Variants in CDHR1 observed in about 807,000 individuals in gnomAD.
The protein encoded by CDHR1 is cadherin related family member 1.
In CDHR1, 61 loss-of-function variants were observed where a neutral mutation model predicts 72.1. That is an observed-to-expected ratio of 0.85 (90% CI 0.69 to 1.05). The LOEUF (loss-of-function observed/expected upper bound fraction) is 1.05, where lower values mean the gene tolerates loss of function less well. Ranked by LOEUF, CDHR1 falls within the 50% of genes least tolerant of loss-of-function variation. The pLI is 0.00. For missense variants in CDHR1, 1,186 were observed against 1,115.7 expected (o/e 1.06, Z -0.90); for synonymous variants, 470 against 448.1 (o/e 1.05, Z -0.62).
chr10:84,208,596 A>G (rs1842272774), intron 11 of CDHR1, 133 bp from the exon 12 acceptor site: 5 of 1,086,138 alleles, frequency 4.6e-6, no homozygotes, highest in Non-Finnish European at 6.9e-6. Context: ...TCCATTCACA[A>G]GGAAAAGTCA....
rs1842460962 is a variant in CDHR1, at chr10:84,218,448, G to A, written c.*3827G>A. ...CAGCCATTCCTAGGGTGACAAGTTT[G>A]GAGTATATCTTCTGTGCCAGGCTCT... is the stretch of plus-strand genomic sequence containing the variant. On this transcript the variant is annotated 3_prime_UTR_variant, in exon 17 of 17. Coordinates refer to ENST00000623527, the MANE Select transcript of CDHR1 (RefSeq NM_033100.4). The A allele has an allele frequency of 4.1e-6, 4 of 985,302 alleles. No individual in the cohort carries two copies. The South Asian group carries it at 1.9e-4, about 46-fold the overall frequency. 61.0% of individuals were successfully genotyped at this position (985,302 alleles called of 1,614,324 possible). A position where few individuals can be genotyped will look rare whatever the true frequency, so the allele number is the denominator to read the frequency against.
chr10:84,210,993 C>T lies in CDHR1; in HGVS notation c.1321-8C>T. 2 of 1,614,224 alleles carry T rather than the reference C, an allele frequency of 1.2e-6. No homozygotes were observed. Among genetic ancestry groups the T allele is most frequent in the Admixed American group, 1.7e-5 (1 of 60,026 alleles). ...CCCAGACAAGTCCCCATTTTCCCCC[C>T]TTCCCAGCTCCTGGCTGTTGAAGTG... On this transcript the variant is annotated splice_polypyrimidine_tract_variant and splice_region_variant and intron_variant, in intron 12 of 16. Transcript: ENST00000623527.
At chr10:84,200,132 T>C (rs1480551172) in intron 5 of CDHR1, among the ~76,000 whole-genome samples, 1 of 150,728 alleles carries the variant, frequency 6.6e-6, no homozygotes, top group Non-Finnish European at 1.5e-5. Flanking sequence ...ATCACGCCAT[T>C]GCACTCCAAC....
Position 84,196,625 on chromosome 10 carries a change from C to A in CDHR1, c.272C>A (p.Thr91Asn). 6.2e-7 allele frequency: 1 copy of A among 1,614,220 alleles called. No individual in the cohort carries two copies. Among genetic ancestry groups the A allele is most frequent in the South Asian group, 1.1e-5 (1 of 91,076 alleles). Residue 91 changes from threonine (T) to asparagine (N), a missense_variant, in exon 3 of 17, where the codon ACC becomes AAC. Transcript: ENST00000623527. ...FSVDPTFGNI[T>N]LVEELDRERE... is the part of the protein sequence containing the mutation. ...GTTGACCCCACTTTTGGAAACATCA[C>A]CCTGGTTGAAGAGCTGGACAGAGAG...
Position 84,214,491 on chromosome 10 carries a change from C to T in CDHR1, c.2450C>T (p.Ser817Phe), listed in dbSNP as rs1310793287. 3 of 1,607,336 alleles carry T rather than the reference C, an allele frequency of 1.9e-6. No individual in the cohort carries two copies. The highest frequency in any genetic ancestry group is 3.3e-5 in the Admixed American group (2 of 59,958). Residue 817 changes from serine (S) to phenylalanine (F), a missense_variant, in exon 17 of 17, where the codon TCT becomes TTT. By Grantham distance (155) the Ser-to-Phe change is radical. Transcript: ENST00000623527. The part of the protein sequence containing the change: ...AQWTVPTVSG[S>F]LTPQPTQPPP... ...TGGACCGTGCCTACTGTCTCTGGCT[C>T]TCTCACTCCGCAGCCGACCCAACCC... is the stretch of plus-strand genomic sequence containing the variant.
chr10:84,215,604 C>G lies in CDHR1; in HGVS notation c.*983C>G. 1.1e-6 allele frequency: 1 copy of G among 903,034 alleles called. No homozygotes were observed. Among genetic ancestry groups the G allele is most frequent in the Non-Finnish European group, 1.3e-6 (1 of 754,870 alleles). The allele number at this position is 903,034 out of a possible 1,614,324, so 55.9% of individuals were successfully genotyped here. On this transcript the variant is annotated 3_prime_UTR_variant, in exon 17 of 17. Coordinates refer to ENST00000623527, the MANE Select transcript of CDHR1 (RefSeq NM_033100.4). ...TGTAAATGAAGAAAGTAGGCCCTGT[C>G]TACCTCACATGCAGGTCTAGGGTGA...
chr10:84,210,512 C>T lies in CDHR1; in HGVS notation c.1321-489C>T, dbSNP rs186437329. Among the ~76,000 whole-genome samples the T allele has an allele frequency of 4.0e-3, 616 of 152,220 alleles. 3 individuals carry two copies. Among genetic ancestry groups the T allele is most frequent in the African/African-American group, 0.014 (596 of 41,552 alleles). ...GAACTCCCGACCTCAGGTGATCCAC[C>T]CGCCTTGGCCTCCCAAAGTGTTAGG... On this transcript the variant is annotated intron_variant, in intron 12 of 16. Coordinates refer to ENST00000623527, the MANE Select transcript of CDHR1 (RefSeq NM_033100.4).
Position 84,194,642 on chromosome 10 carries a change from C to T in CDHR1, c.-119C>T. 2 of 733,326 alleles carry T rather than the reference C, an allele frequency of 2.7e-6. No homozygotes were observed. The highest frequency in any genetic ancestry group is 3.5e-5 in the East Asian group (1 of 28,570). The allele number at this position is 733,326 out of a possible 1,614,324, so 45.4% of individuals were successfully genotyped here. On this transcript the variant is annotated 5_prime_UTR_variant, in exon 1 of 17. Coordinates refer to ENST00000623527, the MANE Select transcript of CDHR1 (RefSeq NM_033100.4). ...TCCCGCCCCGTGCCCCCTCCCGCCG[C>T]GGCTGCAGTCGCCGCTACCCCCATT... is the stretch of plus-strand genomic sequence containing the variant.
chr10:84,218,560 C>T lies in CDHR1; in HGVS notation c.*3939C>T, dbSNP rs1007965488. 21 of 985,304 alleles carry T rather than the reference C, an allele frequency of 2.1e-5. No homozygotes were observed. The highest frequency in any genetic ancestry group is 8.7e-5 in the African/African-American group (5 of 57,222). The allele number at this position is 985,304 out of a possible 1,614,324, so 61.0% of individuals were successfully genotyped here. A position where few individuals can be genotyped will look rare whatever the true frequency, so the allele number is the denominator to read the frequency against. Reference sequence around the variant, plus strand: ...AACATTCCTCTCTTTAATTGCTAATCGCCTGGGCCTAGGGAGTCTTCATTT... The same window carrying T: ...AACATTCCTCTCTTTAATTGCTAATTGCCTGGGCCTAGGGAGTCTTCATTT... On this transcript the variant is annotated 3_prime_UTR_variant, in exon 17 of 17. Coordinates refer to ENST00000623527, the MANE Select transcript of CDHR1 (RefSeq NM_033100.4).
At position 84,216,422 on chromosome 10, in the gene CDHR1, T is replaced by G. The variant is rs928433669; in HGVS notation, c.*1801T>G. ...TCCAGCCTGTGTTTCAGGAGAGGAC[T>G]GTGCTGGATCATGCTTGCCCTCCAC... On this transcript the variant is annotated 3_prime_UTR_variant, in exon 17 of 17. Transcript: ENST00000623527. 7 of 985,402 alleles carry G rather than the reference T, an allele frequency of 7.1e-6. No homozygotes were observed. Among genetic ancestry groups the G allele is most frequent in the Non-Finnish European group, 7.2e-6 (6 of 829,968 alleles). 61.0% of individuals were successfully genotyped at this position (985,402 alleles called of 1,614,324 possible).
chr10:84,215,239 A>G lies in CDHR1; in HGVS notation c.*618A>G. ...GAAAGATAGAGCATTCTGTCTGGGC[A>G]GAGACTGTGGACCCTGGTATGCCCA... On this transcript the variant is annotated 3_prime_UTR_variant, in exon 17 of 17. Coordinates refer to ENST00000623527, the MANE Select transcript of CDHR1 (RefSeq NM_033100.4). The G allele has an allele frequency of 1.0e-6, 1 of 992,966 alleles. No individual in the cohort carries two copies. Among genetic ancestry groups the G allele is most frequent in the Non-Finnish European group, 1.2e-6 (1 of 834,364 alleles). 61.5% of individuals were successfully genotyped at this position (992,966 alleles called of 1,614,324 possible). A position where few individuals can be genotyped will look rare whatever the true frequency, so the allele number is the denominator to read the frequency against.
intron 10 of CDHR1, 137 bp downstream of exon 10, chr10:84,206,064 C>T: frequency 1.4e-6 from 1 of 701,232 alleles, no homozygotes; most frequent in Non-Finnish European, 2.6e-6. Flanking sequence ...AGCACCTGCA[C>T]CAGACATGAA....
chr10:84,194,871 G>A, intron 1 of CDHR1, 56 bp downstream of exon 1: 1 of 1,491,902 alleles, frequency 6.7e-7, no homozygotes, highest in East Asian at 2.5e-5. Context: ...ATGGGCGCTG[G>A]CGTCACCCAG....
intron 4 of CDHR1, 103 bp from the exon 5 acceptor site, chr10:84,198,929 G>A: frequency 1.2e-6 from 1 of 841,226 alleles, no homozygotes; most frequent in East Asian, 2.7e-5. Context: ...AGAGAGAGGA[G>A]GGATGGGCAG....
chr10:84,214,850 A>G lies in CDHR1; in HGVS notation c.*229A>G, dbSNP rs1420821295. 1 of 1,458,844 alleles carries G rather than the reference A, an allele frequency of 6.9e-7. No individual in the cohort carries two copies. The highest frequency in any genetic ancestry group is 9.0e-7 in the Non-Finnish European group (1 of 1,115,382). 90.4% of individuals were successfully genotyped at this position (1,458,844 alleles called of 1,614,324 possible). ...GCAAGACATTGGGCTCTAGGATGCA[A>G]TTGGCAAATACGTCCCCGTTACTCA... On this transcript the variant is annotated 3_prime_UTR_variant, in exon 17 of 17. Transcript: ENST00000623527.
chr10:84,204,468 TG>T, intron 8 of CDHR1, 58 bp from the exon 9 acceptor site: 1 of 1,174,588 alleles, frequency 8.5e-7, no homozygotes, highest in Non-Finnish European at 1.3e-6. Context: ...AGACATTGTT[TG>T]GGGAGGGGAG....
chr10:84,195,379 G>A, intron 1 of CDHR1, 115 bp from the exon 2 acceptor site: 1 of 962,614 alleles, frequency 1.0e-6, no homozygotes. Flanking sequence ...GGGAGGCGGA[G>A]CGCCCTCCTG....
Position 84,214,715 on chromosome 10 carries a change from A to G in CDHR1, c.*94A>G. ...TCCCCTTCCTCTGCTCCTTAAGGTC[A>G]CTGACCCCTGTTTTGCACAATGGTA... On this transcript the variant is annotated 3_prime_UTR_variant, in exon 17 of 17. Coordinates refer to ENST00000623527, the MANE Select transcript of CDHR1 (RefSeq NM_033100.4). The G allele has an allele frequency of 6.3e-7, 1 of 1,584,112 alleles. No homozygotes were observed. Among genetic ancestry groups the G allele is most frequent in the Non-Finnish European group, 8.5e-7 (1 of 1,172,722 alleles).
chr10:84,207,386 A>T (rs1842245507), intron 10 of CDHR1, among the ~76,000 whole-genome samples: 1 of 152,106 alleles, frequency 6.6e-6, no homozygotes. Flanking sequence ...GCAGTGCCAC[A>T]TACAGTGTGG....
Sources: gnomAD v4.1 joint callset for allele counts (sites outside exome capture counted in the v4.1 genomes callset) on GRCh38, gnomAD v4.1.1 for gene constraint, MANE v1.5 for transcripts, NCBI Gene and HGNC (gene_info 2026-07-23, HGNC 2026-07-21) for gene names.